The following NCR1 variants were observed in gnomAD, a reference collection of about 807,000 sequenced individuals.
The protein encoded by NCR1 is NK cell-activating receptor.
A neutral mutation model predicts 32.5 loss-of-function variants in NCR1; 30 were observed. The ratio of observed to expected loss-of-function variants is 0.92; its 90% CI spans 0.69 to 1.25. NCR1 has a LOEUF of 1.25. NCR1 is among the 50% of genes most tolerant of loss of function. NCR1 has a pLI of 0.00. For synonymous variants in NCR1, 169 were observed against 143.4 expected, an observed-to-expected ratio of 1.18 and a Z score of -1.28; for missense variants, 369 against 380.7, an observed-to-expected ratio of 0.97 and a Z score of 0.26.
the NCR1 span, chr19:54,933,642 G>C: frequency 2.5e-6 from 4 of 1,614,146 alleles, no homozygotes; most frequent in Non-Finnish European, 2.5e-6. Flanking sequence ...TCCCCAATGG[G>C]GTTCTTGGCC....
upstream of NCR1, among the ~76,000 whole-genome samples, chr19:54,901,829 G>A (rs1057103534): frequency 1.3e-5 from 2 of 152,148 alleles, no homozygotes; most frequent in Non-Finnish European, 1.5e-5. Context: ...TTAGCTGGGC[G>A]TGGTTGTGGG....
At chr19:54,936,346 C>T in the NCR1 span, 1 of 1,613,946 alleles carries the variant, frequency 6.2e-7, no homozygotes, top group Non-Finnish European at 8.5e-7. Flanking sequence ...ATGTGCCCTG[C>T]CAGGGTCAGG....
At chr19:54,923,240 C>T in the NCR1 span, among the ~76,000 whole-genome samples, 1 of 152,106 alleles carries the variant, frequency 6.6e-6, no homozygotes, top group Non-Finnish European at 1.5e-5. Context: ...ACCGCGGGGC[C>T]CACAGTGCCA....
At chr19:54,922,222 C>T in the NCR1 span, among the ~76,000 whole-genome samples, 6 of 152,198 alleles carry the variant, frequency 3.9e-5, no homozygotes, top group South Asian at 2.1e-4. Context: ...CATCACCTAC[C>T]GCAAGCGTGG....
chr19:54,934,615 A>G, the NCR1 span: 4 of 1,614,070 alleles, frequency 2.5e-6, no homozygotes, highest in Non-Finnish European at 3.4e-6. This position sits in a 1 kb window ranked among gnomAD's most constrained non-coding sequence, Gnocchi z 6.7. Context: ...GAGGACATAG[A>G]AGAATTCAGC....
chr19:54,917,673 C>G (rs112198734), downstream of NCR1, among the ~76,000 whole-genome samples: 14,312 of 152,166 alleles, frequency 0.094, 769 homozygotes, highest in African/African-American at 0.14. Flanking sequence ...GCTCTCCACT[C>G]CAGGGGACAT....
the NCR1 span, chr19:54,933,528 G>A: frequency 6.2e-7 from 1 of 1,605,924 alleles, no homozygotes; most frequent in South Asian, 1.1e-5. Flanking sequence ...TCTCCTGCTT[G>A]AATTCATGTG....
At chr19:54,936,950 C>T in the NCR1 span, among the ~76,000 whole-genome samples, 3 of 149,310 alleles carry the variant, frequency 2.0e-5, no homozygotes, top group Non-Finnish European at 4.5e-5. Flanking sequence ...TGGTGGCTCA[C>T]GCCTGTAATC....
chr19:54,916,065 A>T, downstream of NCR1: 1 of 150,710 alleles, frequency 6.6e-6, no homozygotes, highest in Admixed American at 6.6e-5. Flanking sequence ...TGCCGATCTC[A>T]TTTCGCAGAG....
chr19:54,916,171 G>GA (rs1194591980), downstream of NCR1: 1 of 151,872 alleles, frequency 6.6e-6, no homozygotes, highest in Non-Finnish European at 1.5e-5. Context: ...TTCTTTGTTC[G>GA]AAACACCAAG....
rs1264033798 is a variant in NCR1, at chr19:54,912,822, G to A, written c.866G>A (p.Arg289Lys). Reference protein sequence around the residue: ...SRKRTRERASRASTWEGRRRL... With the variant: ...SRKRTRERASKASTWEGRRRL... The stretch of plus-strand genomic sequence containing the variant: ...AAGAGGACTAGAGAGCGAGCCAGCA[G>A]AGCTTCCACTTGGGAAGGCAGGAGA... Residue 289 changes from arginine to lysine, a missense_variant, in exon 7 of 7, where the codon AGA becomes AAA. By Grantham distance (26) the Arg-to-Lys change is conservative. Transcript: ENST00000291890. 3.7e-6 allele frequency: 6 copies of A among 1,613,650 alleles called. No individual in the cohort carries two copies. Among genetic ancestry groups the A allele is most frequent in the Non-Finnish European group, 4.2e-6 (5 of 1,179,982 alleles).
At chr19:54,920,757 C>T (rs1006741926), downstream of NCR1, among the ~76,000 whole-genome samples, 4 of 152,176 alleles carry the variant, frequency 2.6e-5, no homozygotes, top group Non-Finnish European at 5.9e-5. Flanking sequence ...TTTAAGGCTG[C>T]AGTGAGCTAA....
downstream of NCR1, among the ~76,000 whole-genome samples, chr19:54,919,716 C>T (rs1397807331): frequency 2.3e-4 from 30 of 130,852 alleles, no homozygotes; most frequent in Admixed American, 8.6e-4. Context: ...AAAGGGAGAC[C>T]CCCCCCCCCA....
intron 5 of NCR1, among the ~76,000 whole-genome samples, chr19:54,911,376 G>GA (rs1043148746): frequency 5.0e-5 from 7 of 138,936 alleles, no homozygotes; most frequent in Non-Finnish European, 7.9e-5. Context: ...AAAAGAAAAA[G>GA]AAAAAAAAAT....
downstream of NCR1, among the ~76,000 whole-genome samples, chr19:54,916,610 A>T (rs1417130929): frequency 6.7e-6 from 1 of 150,244 alleles, no homozygotes; most frequent in Non-Finnish European, 1.5e-5. Context: ...ACACCCAGCT[A>T]CTTGTGCTTT....
At position 54,912,795 on chromosome 19, in the gene NCR1, G is replaced by C. The variant is rs2068043019; in HGVS notation, c.839G>C (p.Arg280Thr). Residue 280 changes from arginine to threonine, a missense_variant, in exon 7 of 7, where the codon AGG becomes ACG. Arg to Thr is a moderately conservative substitution (Grantham distance 71). Transcript: ENST00000291890. ...VWFLVEDWLS[R>T]KRTRERASRA... ...TTCCTGGTTGAAGACTGGCTCAGCA[G>C]GAAGAGGACTAGAGAGCGAGCCAGC... 1.2e-6 allele frequency: 2 copies of C among 1,613,870 alleles called. No homozygotes were observed.
At chr19:54,927,568 A>T in the NCR1 span, 1 of 1,555,400 alleles carries the variant, frequency 6.4e-7, no homozygotes, top group Non-Finnish European at 8.7e-7. Flanking sequence ...AAAAACAAAA[A>T]CAAAAAACAA....
chr19:54,919,178 G>T (rs945342166), downstream of NCR1, among the ~76,000 whole-genome samples: 3 of 152,086 alleles, frequency 2.0e-5, no homozygotes, highest in Non-Finnish European at 4.4e-5. Context: ...GTCTCTCCCT[G>T]TGTGCGGCGA....
chr19:54,936,373 T>C, the NCR1 span: 3 of 1,614,080 alleles, frequency 1.9e-6, no homozygotes, highest in Non-Finnish European at 2.5e-6. Context: ...AGGGTCTTCT[T>C]CCCAATGAAA....
Sources: gnomAD v4.1 joint callset for allele counts (sites outside exome capture counted in the v4.1 genomes callset) on GRCh38, gnomAD v4.1.1 for gene constraint, Gnocchi (gnomAD v3.1) non-coding constraint, MANE v1.5 for transcripts, NCBI Gene and HGNC (gene_info 2026-07-23, HGNC 2026-07-21) for gene names.